SMYD3: variants seen among roughly 807,000 people sequenced by gnomAD.
The protein encoded by SMYD3 is SET and MYND domain containing 3.
A neutral mutation model predicts 57.7 loss-of-function variants in SMYD3; 36 were observed. The observed-to-expected ratio is 0.62, with a 90% CI of 0.48 to 0.82. The LOEUF is 0.82. SMYD3 is among the 40% of genes least tolerant of loss of function. The probability of loss-of-function intolerance (pLI) is 0.00; values close to 1 mark genes in which losing one functional copy is unlikely to be tolerated. For missense variants in SMYD3, 515 were observed against 538.8 expected (o/e 0.96, Z 0.44); for synonymous variants, 211 against 195.0 (o/e 1.08, Z -0.68).
At chr1:246,437,929 A>G (rs2067404308) in intron 1 of SMYD3, among the ~76,000 whole-genome samples, 1 of 152,252 alleles carries the variant, frequency 6.6e-6, no homozygotes, top group Non-Finnish European at 1.5e-5. Context: ...GCATTTGCTT[A>G]AAGTTTGTCA....
chr1:245,993,440 G>T (rs772773883), intron 5 of SMYD3, among the ~76,000 whole-genome samples: 2 of 152,004 alleles, frequency 1.3e-5, no homozygotes, highest in African/African-American at 4.8e-5. Flanking sequence ...TAAAAAATTG[G>T]TTAAAAAATA....
At chr1:245,762,309 C>T (rs2045881237) in intron 11 of SMYD3, among the ~76,000 whole-genome samples, 1 of 152,148 alleles carries the variant, frequency 6.6e-6, no homozygotes, top group Admixed American at 6.5e-5. Context: ...TACGTACGAG[C>T]AGTATTCATA....
At chr1:246,465,195 G>A (rs4654262) in intron 1 of SMYD3, among the ~76,000 whole-genome samples, 1 of 152,240 alleles carries the variant, frequency 6.6e-6, no homozygotes, top group Non-Finnish European at 1.5e-5. Flanking sequence ...TAATAAAAGA[G>A]AGAAAAATGC....
At chr1:246,166,598 C>T (rs1249822329) in intron 5 of SMYD3, among the ~76,000 whole-genome samples, 3 of 152,152 alleles carry the variant, frequency 2.0e-5, no homozygotes, top group East Asian at 3.8e-4. Flanking sequence ...CGGCTGGAGT[C>T]TGGGAACCAC....
chr1:245,903,745 C>T (rs1417471993), intron 8 of SMYD3, among the ~76,000 whole-genome samples: 1 of 152,144 alleles, frequency 6.6e-6, no homozygotes, highest in Non-Finnish European at 1.5e-5. Context: ...GGCTTGCATC[C>T]CCTGAAATAA....
chr1:245,812,606 G>A (rs2048534940), intron 10 of SMYD3, among the ~76,000 whole-genome samples: 1 of 149,930 alleles, frequency 6.7e-6, no homozygotes, highest in Non-Finnish European at 1.5e-5. Context: ...GCAGGTCTAG[G>A]AAACCAACCC....
chr1:245,913,134 T>C (rs1052566973), intron 8 of SMYD3, among the ~76,000 whole-genome samples: 1 of 152,042 alleles, frequency 6.6e-6, no homozygotes, highest in Non-Finnish European at 1.5e-5. Flanking sequence ...AATGATAGAC[T>C]GGATTAAGAA....
intron 1 of SMYD3, among the ~76,000 whole-genome samples, chr1:246,475,498 T>A (rs1443449422): frequency 6.6e-6 from 1 of 151,156 alleles, no homozygotes; most frequent in African/African-American, 2.4e-5. Context: ...CAAAAAAAAA[T>A]AGCCGGGCAT....
At chr1:246,117,058 C>T (rs1252109893) in intron 5 of SMYD3, among the ~76,000 whole-genome samples, 1 of 152,146 alleles carries the variant, frequency 6.6e-6, no homozygotes, top group Non-Finnish European at 1.5e-5. Flanking sequence ...TTTCTATAAA[C>T]ACATAGAATG....
At chr1:245,905,561 T>C (rs559878065) in intron 8 of SMYD3, among the ~76,000 whole-genome samples, 50 of 152,292 alleles carry the variant, frequency 3.3e-4, no homozygotes, top group African/African-American at 1.2e-3. Flanking sequence ...TCAGTCGTAA[T>C]ACAAAAGAAT....
intron 5 of SMYD3, among the ~76,000 whole-genome samples, chr1:246,265,266 A>T (rs897439367): frequency 1.3e-5 from 2 of 151,860 alleles, no homozygotes; most frequent in Admixed American, 6.6e-5. Context: ...CCAAGTAGCT[A>T]GGATGTGGGA....
At chr1:246,439,080 A>G (rs1362070802) in intron 1 of SMYD3, among the ~76,000 whole-genome samples, 1 of 109,312 alleles carries the variant, frequency 9.1e-6, no homozygotes, top group Non-Finnish European at 1.8e-5. Context: ...TATTTGTACT[A>G]TTTTTATTGC....
intron 5 of SMYD3, among the ~76,000 whole-genome samples, chr1:246,038,498 G>A (rs925101782): frequency 1.3e-5 from 2 of 152,176 alleles, no homozygotes; most frequent in Non-Finnish European, 1.5e-5. Flanking sequence ...GAGCCAGGAC[G>A]TACCTATCCA....
intron 5 of SMYD3, among the ~76,000 whole-genome samples, chr1:246,156,464 C>T (rs533737021): frequency 4.6e-5 from 7 of 152,282 alleles, no homozygotes; most frequent in South Asian, 2.1e-4. Context: ...AAGGTAAGAA[C>T]ATATTTTCCC....
At chr1:246,048,355 A>G (rs998787664) in intron 5 of SMYD3, among the ~76,000 whole-genome samples, 1 of 152,210 alleles carries the variant, frequency 6.6e-6, no homozygotes, top group Non-Finnish European at 1.5e-5. Flanking sequence ...CGTGGCCTTG[A>G]AGAAAAGAAA....
At chr1:246,418,893 C>A (rs1407055622) in intron 1 of SMYD3, among the ~76,000 whole-genome samples, 1 of 152,102 alleles carries the variant, frequency 6.6e-6, no homozygotes, top group Non-Finnish European at 1.5e-5. Context: ...ATCCAGATGG[C>A]CTGAAGCAAC....
chr1:246,370,277 G>A (rs1200096168), intron 1 of SMYD3, among the ~76,000 whole-genome samples: 1 of 152,172 alleles, frequency 6.6e-6, no homozygotes, highest in Non-Finnish European at 1.5e-5. Context: ...AAGAAAGGCA[G>A]ACCAACACAC....
At chr1:246,477,458 G>A (rs920238783) in intron 1 of SMYD3, among the ~76,000 whole-genome samples, 1 of 152,052 alleles carries the variant, frequency 6.6e-6, no homozygotes, top group Non-Finnish European at 1.5e-5. Flanking sequence ...GTTTAGAAGG[G>A]AAATATCATT....
chr1:246,220,938 G>A (rs1468471851), intron 5 of SMYD3, among the ~76,000 whole-genome samples: 1 of 152,054 alleles, frequency 6.6e-6, no homozygotes, highest in Non-Finnish European at 1.5e-5. Context: ...GGTACTACCA[G>A]CTGCAGAGGG....
Sources: gnomAD v4.1 joint callset for allele counts (sites outside exome capture counted in the v4.1 genomes callset) on GRCh38, gnomAD v4.1.1 for gene constraint, MANE v1.5 for transcripts, NCBI Gene and HGNC (gene_info 2026-07-23, HGNC 2026-07-21) for gene names.